CACNG5: variants seen among roughly 807,000 people sequenced by gnomAD.
CACNG5 encodes the protein calcium voltage-gated channel auxiliary subunit gamma 5.
Under a neutral mutation model 24.8 loss-of-function variants are expected in CACNG5, and 18 were observed. That is an observed-to-expected ratio of 0.73 (90% CI 0.50 to 1.08). The LOEUF is 1.08. CACNG5 is among the 50% of genes least tolerant of loss of function. The pLI is 0.00. For synonymous variants in CACNG5, 157 were observed against 149.1 expected (o/e 1.05, Z -0.39); for missense variants, 349 against 367.9 (o/e 0.95, Z 0.42).
At chr17:66,851,027 C>A (rs958685741) in intron 1 of CACNG5, among the ~76,000 whole-genome samples, 2 of 152,006 alleles carry the variant, frequency 1.3e-5, no homozygotes, top group South Asian at 4.1e-4. Context: ...TGGTCTTGGG[C>A]CCCCGCAAGG....
intron 5 of CACNG5, 93 bp from the exon 6 acceptor site, chr17:66,884,890 C>T (rs1484546627): frequency 1.2e-6 from 2 of 1,613,658 alleles, no homozygotes; most frequent in Non-Finnish European, 1.7e-6. Flanking sequence ...CCACTTCCCA[C>T]CCCACTCGAG....
rs978184124 is a variant in CACNG5, at chr17:66,890,622, C to T, written c.*5382C>T. Among the ~76,000 whole-genome samples, 1 of 152,218 alleles carries T rather than the reference C, an allele frequency of 6.6e-6. No homozygotes were observed. The highest frequency in any genetic ancestry group is 2.4e-5 in the African/African-American group (1 of 41,448). On this transcript the variant is annotated 3_prime_UTR_variant, in exon 6 of 6. Transcript: ENST00000533854. Reference sequence around the variant, plus strand: ...TAAGGTTTTCTGCCCCAGGTGGCCCCATCCTTGAAGGTTTGCATGCGTGGG... The same window carrying T: ...TAAGGTTTTCTGCCCCAGGTGGCCCTATCCTTGAAGGTTTGCATGCGTGGG...
intron 1 of CACNG5, among the ~76,000 whole-genome samples, chr17:66,843,653 G>A (rs1976596450): frequency 6.6e-6 from 1 of 152,126 alleles, no homozygotes; most frequent in Admixed American, 6.5e-5. Context: ...TGCTGCAGGG[G>A]GGTGGTCCTG....
intron 1 of CACNG5, among the ~76,000 whole-genome samples, chr17:66,862,885 A>C (rs1390661037): frequency 2.3e-5 from 2 of 87,608 alleles, no homozygotes; most frequent in African/African-American, 6.7e-5. Flanking sequence ...GTCTGCCAGC[A>C]TATTCTCTGT....
In CACNG5 at chr17:66,880,713, T is replaced by G; in HGVS notation, c.424+16T>G. 1 of 1,611,290 alleles carries G rather than the reference T, an allele frequency of 6.2e-7. No homozygotes were observed. The highest frequency in any genetic ancestry group is 8.5e-7 in the Non-Finnish European group (1 of 1,178,784). ...ATCCTCTCAGGTAAGTTGTGTTGTT[T>G]TCTTTTCTTGCACCCTGGAATTTTT... On this transcript the variant is annotated intron_variant, in intron 4 of 5. Transcript: ENST00000533854.
At chr17:66,862,282 CATAG>C (rs1321870404) in intron 1 of CACNG5, among the ~76,000 whole-genome samples, 1 of 152,144 alleles carries the variant, frequency 6.6e-6, no homozygotes, top group Non-Finnish European at 1.5e-5. Flanking sequence ...TCTATCTCTT[CATAG>C]GTACAGGTGT....
chr17:66,880,544 T>C lies in CACNG5; in HGVS notation c.284-13T>C, dbSNP rs759852057. On this transcript the variant is annotated splice_polypyrimidine_tract_variant and intron_variant, in intron 3 of 5. Transcript: ENST00000533854. The stretch of plus-strand genomic sequence containing the variant: ...TGGAGGCTGACAGGCCGCCCTTTTG[T>C]CCCGTTAATTAGAGATGATCCGCTC... 1 of 1,613,974 alleles carries C rather than the reference T, an allele frequency of 6.2e-7. No homozygotes were observed. Among genetic ancestry groups the C allele is most frequent in the East Asian group, 2.2e-5 (1 of 44,880 alleles).
chr17:66,869,893 C>T (rs1163634169), intron 1 of CACNG5, among the ~76,000 whole-genome samples: 1 of 151,988 alleles, frequency 6.6e-6, no homozygotes, highest in Non-Finnish European at 1.5e-5. Flanking sequence ...ACCATCCTGG[C>T]CAACATGGTG....
chr17:66,854,567 G>C (rs184921078), intron 1 of CACNG5, among the ~76,000 whole-genome samples: 1 of 151,082 alleles, frequency 6.6e-6, no homozygotes, highest in Non-Finnish European at 1.5e-5. Context: ...GGTGGTGGGC[G>C]CCTGTAATCC....
intron 1 of CACNG5, among the ~76,000 whole-genome samples, chr17:66,870,079 G>A (rs1481267347): frequency 1.3e-4 from 19 of 150,968 alleles, no homozygotes; most frequent in East Asian, 1.9e-4. Flanking sequence ...GTGAAACTCC[G>A]TCTCAAAAAA....
At position 66,888,505 on chromosome 17, in the gene CACNG5, C is replaced by T. The variant is rs1281039180; in HGVS notation, c.*3265C>T. ...CTTGCAGTGAGCCGAGATCGCACCA[C>T]TGCACTCCAGCCTGGGTGACAGAGC... On this transcript the variant is annotated 3_prime_UTR_variant, in exon 6 of 6. Transcript: ENST00000533854. 7.5e-6 allele frequency among the ~76,000 whole-genome samples: 1 copy of T among 133,796 alleles called. No individual in the cohort carries two copies. Among genetic ancestry groups the T allele is most frequent in the African/African-American group, 2.9e-5 (1 of 34,018 alleles). The allele number at this position is 133,796 out of a possible 152,430, so 87.8% of individuals were successfully genotyped here.
chr17:66,884,610 C>A lies in CACNG5; in HGVS notation c.519C>A (p.Tyr173Ter). The change falls in exon 5 of 6, where the codon TAC (tyrosine) becomes TAA (stop). Residue 173 changes from tyrosine (Y) to a stop codon, truncating the protein, a stop_gained. Coordinates refer to ENST00000533854, the MANE Select transcript of CACNG5 (RefSeq NM_145811.3). LOFTEE classifies it high-confidence loss of function. ...RTKDAETYFN[Y>*]KYGWSFAFAA... is the part of the protein sequence containing the mutation. ...AGGATGCAGAGACCTACTTCAACTA[C>A]AAGTATGGGTGGTCGTTTGCCTTCG... 1 of 1,614,170 alleles carries A rather than the reference C, an allele frequency of 6.2e-7. No homozygotes were observed. Among genetic ancestry groups the A allele is most frequent in the Non-Finnish European group, 8.5e-7 (1 of 1,180,028 alleles).
chr17:66,845,308 A>G (rs956001922), intron 1 of CACNG5, among the ~76,000 whole-genome samples: 2 of 152,050 alleles, frequency 1.3e-5, no homozygotes, highest in Non-Finnish European at 2.9e-5. Context: ...TGGTGGGCAA[A>G]GGGAAGGACA....
intron 1 of CACNG5, among the ~76,000 whole-genome samples, chr17:66,861,010 A>G (rs2143072785): frequency 6.9e-6 from 1 of 145,696 alleles, no homozygotes; most frequent in African/African-American, 2.5e-5. Context: ...CATTTTATAT[A>G]TTGTGCACAT....
rs541675297 is a variant in CACNG5 at position 66,885,112 on chromosome 17, C to A, written c.700C>A (p.Pro234Thr). The change falls in exon 6 of 6, where the codon CCA becomes ACA. Residue 234 changes from proline to threonine, a missense_variant. Pro to Thr is a conservative substitution (Grantham distance 38). Coordinates refer to ENST00000533854, the MANE Select transcript of CACNG5 (RefSeq NM_145811.3). The part of the protein sequence containing the change: ...CSDYSGQFLH[P>T]DAWVRGRSPS... ...CGATTACTCAGGCCAGTTCCTACACCCAGACGCCTGGGTCAGGGGCCGCAG... is the reference window on the plus strand; with the variant it reads ...CGATTACTCAGGCCAGTTCCTACACACAGACGCCTGGGTCAGGGGCCGCAG... The A allele has an allele frequency of 6.2e-7, 1 of 1,614,196 alleles. No individual in the cohort carries two copies. Among genetic ancestry groups the A allele is most frequent in the East Asian group, 2.2e-5 (1 of 44,892 alleles).
rs1433787857 is a variant in CACNG5 at position 66,885,711 on chromosome 17, T to G, written c.*471T>G. Among the ~76,000 whole-genome samples the G allele has an allele frequency of 2.6e-5, 4 of 152,238 alleles. No individual in the cohort carries two copies. The highest frequency in any genetic ancestry group is 5.9e-5 in the Non-Finnish European group (4 of 68,032). On this transcript the variant is annotated 3_prime_UTR_variant, in exon 6 of 6. Coordinates refer to ENST00000533854, the MANE Select transcript of CACNG5 (RefSeq NM_145811.3). ...AGATCTGCACCATCTGGCCGAAAGG[T>G]GACTCTGATATAGAGGTCTGGCTGA...
At chr17:66,852,175 G>A (rs778023167) in intron 1 of CACNG5, among the ~76,000 whole-genome samples, 2 of 152,184 alleles carry the variant, frequency 1.3e-5, no homozygotes, top group African/African-American at 2.4e-5. Context: ...CTGGTCTTCG[G>A]ACTCTGAGAC....
Position 66,884,965 on chromosome 17 carries a change from G to A in CACNG5, c.571-18G>A. On this transcript the variant is annotated intron_variant, in intron 5 of 5. Coordinates refer to ENST00000533854, the MANE Select transcript of CACNG5 (RefSeq NM_145811.3). ...GGCCCCAGCAGCGAGCCCATCCTCT[G>A]CTGTCTTCTCCCTGTAGAGTGCCGG... The A allele has an allele frequency of 6.2e-7, 1 of 1,614,104 alleles. No homozygotes were observed. The highest frequency in any genetic ancestry group is 8.5e-7 in the Non-Finnish European group (1 of 1,179,988).
chr17:66,877,774 T>C (rs1176714642), intron 2 of CACNG5, among the ~76,000 whole-genome samples: 1 of 152,224 alleles, frequency 6.6e-6, no homozygotes, highest in African/African-American at 2.4e-5. Context: ...AAGATGAATG[T>C]AACTATGCCT....
Sources: gnomAD v4.1 joint callset for allele counts (sites outside exome capture counted in the v4.1 genomes callset) on GRCh38, gnomAD v4.1.1 for gene constraint, MANE v1.5 for transcripts, NCBI Gene and HGNC (gene_info 2026-07-23, HGNC 2026-07-21) for gene names.